The following KLC4 variants were observed in gnomAD, a reference collection of about 807,000 sequenced individuals.
The protein encoded by KLC4 is kinesin-like protein 8.
A neutral mutation model predicts 77.2 loss-of-function variants in KLC4; 49 were observed. The ratio of observed to expected loss-of-function variants is 0.63; its 90% CI spans 0.50 to 0.80. The LOEUF (loss-of-function observed/expected upper bound fraction) is 0.80, where lower values mean the gene tolerates loss of function less well. KLC4 is among the 30% of genes least tolerant of loss of function. The pLI is 0.00. For synonymous variants in KLC4, 274 were observed against 314.5 expected, an observed-to-expected ratio of 0.87 and a Z score of 1.36; for missense variants, 669 against 793.5, an observed-to-expected ratio of 0.84 and a Z score of 1.89.
Position 43,061,449 on chromosome 6 carries a change from T to G in KLC4, c.114T>G (p.Ser38Arg). ...LVSQGLEALR[S>R]EHQAVLQSLS... ...GCCAAGGGCTAGAGGCCCTACGCAG[T>G]GAACACCAGGCCGTGCTGCAAAGCC... Residue 38 changes from serine (S) to arginine (R), a missense_variant, in exon 2 of 16, where the codon AGT (serine) becomes AGG (arginine). By Grantham distance (110) the Ser-to-Arg change is moderately radical. Coordinates refer to ENST00000347162, the MANE Select transcript of KLC4 (RefSeq NM_201521.3). The G allele has an allele frequency of 6.2e-7, 1 of 1,614,164 alleles. No individual in the cohort carries two copies. The highest frequency in any genetic ancestry group is 1.1e-5 in the South Asian group (1 of 91,086).
Position 43,065,611 on chromosome 6 carries a change from C to G in KLC4, c.490-9C>G, listed in dbSNP as rs564316890. 1 of 1,609,026 alleles carries G rather than the reference C, an allele frequency of 6.2e-7. No individual in the cohort carries two copies. The highest frequency in any genetic ancestry group is 1.1e-5 in the South Asian group (1 of 90,958). ...TCTTGGCCCTTATATGTTGCTTCTTCCCTTCCAGGAGGAGAAAGAAGGCGA... is the reference window on the plus strand; with the variant it reads ...TCTTGGCCCTTATATGTTGCTTCTTGCCTTCCAGGAGGAGAAAGAAGGCGA... On this transcript the variant is annotated splice_polypyrimidine_tract_variant and intron_variant, in intron 3 of 15. Transcript: ENST00000347162.
intron 15 of KLC4, chr6:43,074,225 T>G (rs1765865389): frequency 2.2e-6 from 1 of 463,456 alleles, no homozygotes; most frequent in Non-Finnish European, 3.8e-6. Flanking sequence ...TACTTTGGAA[T>G]TATGAATAAT....
Position 43,066,409 on chromosome 6 carries a change from T to C in KLC4, c.675T>C (p.Gly225=). Residue 225 remains glycine, a synonymous_variant, in exon 5 of 16, where the codon GGT becomes GGC. Coordinates refer to ENST00000347162, the MANE Select transcript of KLC4 (RefSeq NM_201521.3). ...HNLVIQYAAQ[G]RYEVAVPLCK... ...TGGTGATCCAGTACGCAGCCCAAGG[T>C]CGCTATGAGGTGGCCGTGCCACTCT... 6.2e-7 allele frequency: 1 copy of C among 1,614,114 alleles called. No homozygotes were observed. Among genetic ancestry groups the C allele is most frequent in the Non-Finnish European group, 8.5e-7 (1 of 1,180,024 alleles).
At chr6:43,071,489 TGTCAGCCTCTGG>T in intron 9 of KLC4, 66 bp from the exon 10 acceptor site, 1 of 1,559,238 alleles carries the variant, frequency 6.4e-7, no homozygotes, top group South Asian at 1.1e-5. Flanking sequence ...CAGTCCAGCC[TGTCAGCCTCTGG>T]GTCCTGGCTC....
intron 7 of KLC4, 118 bp downstream of exon 7, chr6:43,070,573 C>G (rs930788408): frequency 4.3e-6 from 6 of 1,408,698 alleles, no homozygotes; most frequent in Non-Finnish European, 5.9e-6. Flanking sequence ...GCTTTGTTCT[C>G]TCTTCCTTCA....
intron 1 of KLC4, chr6:43,059,958 C>T: frequency 7.5e-7 from 1 of 1,333,806 alleles, no homozygotes; most frequent in Non-Finnish European, 9.6e-7. Flanking sequence ...GTCGTCCATC[C>T]ACACCTCCCC....
At chr6:43,068,111 CAAAAAAAAAA>C (rs763158428) in intron 6 of KLC4, among the ~76,000 whole-genome samples, 3 of 25,232 alleles carry the variant, frequency 1.2e-4, no homozygotes, top group Admixed American at 6.6e-4. Context: ...GACTCCGTCT[CAAAAAAAAAA>C]AAAAAAAAAA....
At position 43,070,859 on chromosome 6, in the gene KLC4, C is replaced by T; in HGVS notation, c.1149C>T (p.Asn383=). Residue 383 remains asparagine (N), a synonymous_variant, in exon 8 of 16, where the codon AAC becomes AAT. Transcript: ENST00000347162. Reference sequence around the variant, plus strand: ...ACCCTAATGTAGCCCGGACCAAGAACAACCTGGTATGGGAGGAGGGACAAA... The same window carrying T: ...ACCCTAATGTAGCCCGGACCAAGAATAACCTGGTATGGGAGGAGGGACAAA... ...PDNPNVARTK[N]NLASCYLKQG... 6.3e-7 allele frequency: 1 copy of T among 1,588,310 alleles called. No homozygotes were observed. Among genetic ancestry groups the T allele is most frequent in the Non-Finnish European group, 8.5e-7 (1 of 1,171,018 alleles).
At chr6:43,066,250 G>A (rs1765414952) in intron 4 of KLC4, 56 bp from the exon 5 acceptor site, 2 of 1,445,810 alleles carry the variant, frequency 1.4e-6, no homozygotes, top group Non-Finnish European at 1.9e-6. Flanking sequence ...GGAGTGGAAG[G>A]GCAGACAGCA....
At chr6:43,060,971 C>G (rs2150349513) in intron 1 of KLC4, 1 of 279,128 alleles carries the variant, frequency 3.6e-6, no homozygotes, top group Non-Finnish European at 6.9e-6. Flanking sequence ...CCCCATAGTG[C>G]TGTCTCTCAT....
chr6:43,059,778 C>G (rs758772404), intron 1 of KLC4, 93 bp downstream of exon 1: 87 of 1,193,468 alleles, frequency 7.3e-5, no homozygotes, highest in Non-Finnish European at 8.8e-5. Context: ...CCCCCTCCAA[C>G]CAACCTTACA....
chr6:43,067,794 CA>C lies in KLC4; in HGVS notation c.879+729del, dbSNP rs1194376962. ...AGGGTGACAGAGCGAGACTCCGTCT[CA>C]AAAAAAAAAAAAAAAAATGAAAATA... On this transcript the variant is annotated intron_variant, in intron 6 of 15. Transcript: ENST00000347162. 2.0e-3 allele frequency among the ~76,000 whole-genome samples: 91 copies of C among 44,644 alleles called. 1 individual carries two copies. The highest frequency in any genetic ancestry group is 2.2e-3 in the Non-Finnish European group (59 of 26,244). The allele number at this position is 44,644 out of a possible 152,430, so 29.3% of individuals were successfully genotyped here.
At chr6:43,066,610 A>G in intron 5 of KLC4, 85 bp downstream of exon 5, 1 of 1,223,230 alleles carries the variant, frequency 8.2e-7, no homozygotes, top group Non-Finnish European at 1.2e-6. Context: ...TCCTCTTTAC[A>G]GGGTACCTCT....
chr6:43,062,646 A>G (rs1247932648), intron 2 of KLC4: 1 of 503,224 alleles, frequency 2.0e-6, no homozygotes, highest in Non-Finnish European at 3.6e-6. Context: ...CAAATAGACA[A>G]TAGGGGAACA....
rs1272760080 is a variant in KLC4, at chr6:43,074,863, C to T, written c.*191C>T. ...TCCCTCTTAGGAAGGACCCTCAGGACACCCTCTCTGCACCCTGTGGTCCTC... is the reference window on the plus strand; with the variant it reads ...TCCCTCTTAGGAAGGACCCTCAGGATACCCTCTCTGCACCCTGTGGTCCTC... On this transcript the variant is annotated 3_prime_UTR_variant, in exon 16 of 16. Coordinates refer to ENST00000347162, the MANE Select transcript of KLC4 (RefSeq NM_201521.3). 2 of 611,170 alleles carry T rather than the reference C, an allele frequency of 3.3e-6. No individual in the cohort carries two copies. The highest frequency in any genetic ancestry group is 2.8e-5 in the East Asian group (1 of 35,614). The allele number at this position is 611,170 out of a possible 1,614,324, so 37.9% of individuals were successfully genotyped here.
chr6:43,067,108 C>G, intron 6 of KLC4, 25 bp downstream of exon 6: 1 of 1,611,114 alleles, frequency 6.2e-7, no homozygotes, highest in South Asian at 1.1e-5. Flanking sequence ...CCCTCCCCAC[C>G]CCACGCCCCG....
At chr6:43,073,777 C>T (rs7755815) in intron 14 of KLC4, 125 bp from the exon 15 acceptor site, 149 of 787,894 alleles carry the variant, frequency 1.9e-4, no homozygotes, top group Non-Finnish European at 2.7e-4. Context: ...AGTCAACGGG[C>T]CAGCCATGGA....
intron 15 of KLC4, chr6:43,074,257 G>A (rs900465776): frequency 5.3e-5 from 24 of 456,436 alleles, no homozygotes; most frequent in African/African-American, 3.4e-4. Flanking sequence ...TTGGAGATAC[G>A]AATTATTTTT....
Position 43,070,865 on chromosome 6 carries a change from G to A in KLC4, c.1155G>A (p.Leu385=). Residue 385 remains leucine (L), a splice_region_variant and synonymous_variant, in exon 8 of 16, where the codon CTG becomes CTA. Transcript: ENST00000347162. ...ATGTAGCCCGGACCAAGAACAACCTGGTATGGGAGGAGGGACAAAGTAGGT... is the reference window on the plus strand; with the variant it reads ...ATGTAGCCCGGACCAAGAACAACCTAGTATGGGAGGAGGGACAAAGTAGGT... ...NPNVARTKNN[L]ASCYLKQGKY... The A allele has an allele frequency of 6.5e-7, 1 of 1,532,326 alleles. No homozygotes were observed. The highest frequency in any genetic ancestry group is 1.1e-5 in the South Asian group (1 of 89,204). 94.9% of individuals were successfully genotyped at this position (1,532,326 alleles called of 1,614,324 possible).
Sources: gnomAD v4.1 joint callset for allele counts (sites outside exome capture counted in the v4.1 genomes callset) on GRCh38, gnomAD v4.1.1 for gene constraint, MANE v1.5 for transcripts, NCBI Gene and HGNC (gene_info 2026-07-23, HGNC 2026-07-21) for gene names.